NDUFAF2: variants seen among roughly 807,000 people sequenced by gnomAD.
NDUFAF2 encodes NADH:ubiquinone oxidoreductase complex assembly factor 2, also known as NADH dehydrogenase [ubiquinone] 1 alpha subcomplex assembly factor 2.
A neutral mutation model predicts 22.8 loss-of-function variants in NDUFAF2; 13 were observed. That is an observed-to-expected ratio of 0.57 (90% CI 0.37 to 0.91). The LOEUF (loss-of-function observed/expected upper bound fraction) is 0.91, where lower values mean the gene tolerates loss of function less well. Ranked by LOEUF, NDUFAF2 falls within the 40% of genes least tolerant of loss-of-function variation. The probability of loss-of-function intolerance (pLI) is 0.01; values close to 1 mark genes in which losing one functional copy is unlikely to be tolerated. For missense variants in NDUFAF2, 162 were observed against 195.2 expected, an observed-to-expected ratio of 0.83 and a Z score of 1.01; for synonymous variants, 53 against 64.2, an observed-to-expected ratio of 0.83 and a Z score of 0.84.
chr5:61,028,259 C>G (rs1009925446), intron 1 of NDUFAF2, among the ~76,000 whole-genome samples: 1 of 151,972 alleles, frequency 6.6e-6, no homozygotes, highest in Admixed American at 6.6e-5. Context: ...AACATCCCCC[C>G]CACCACAATT....
chr5:61,046,977 A>T (rs999308220), intron 1 of NDUFAF2, among the ~76,000 whole-genome samples: 1 of 152,110 alleles, frequency 6.6e-6, no homozygotes, highest in African/African-American at 2.4e-5. Flanking sequence ...CTTTGATCCT[A>T]AAATCACTAC....
At chr5:61,147,520 C>T (rs1206943181) in intron 3 of NDUFAF2, among the ~76,000 whole-genome samples, 4 of 144,276 alleles carry the variant, frequency 2.8e-5, no homozygotes, top group Non-Finnish European at 6.0e-5. Flanking sequence ...GAAATCCACC[C>T]ACCTCAGCCT....
chr5:60,947,397 G>C (rs925883996), intron 1 of NDUFAF2, among the ~76,000 whole-genome samples: 13 of 152,096 alleles, frequency 8.5e-5, no homozygotes, highest in Admixed American at 4.6e-4. Context: ...TGAGGATGTT[G>C]ACAGTCTTTT....
At chr5:61,014,406 A>T (rs754035501) in intron 1 of NDUFAF2, among the ~76,000 whole-genome samples, 5 of 151,944 alleles carry the variant, frequency 3.3e-5, no homozygotes, top group Non-Finnish European at 7.4e-5. Context: ...CCCTATATAT[A>T]CCTCTTCATC....
Position 61,092,596 on chromosome 5 carries a change from A to G in NDUFAF2, c.218-6396A>G, listed in dbSNP as rs1469240958. On this transcript the variant is annotated intron_variant, in intron 2 of 3. Transcript: ENST00000296597. ...TTTGCTGAAGTTGCTTATCAGCTCA[A>G]GAAGCTTTTGGGCTGAGGCAGTGGG... Among the ~76,000 whole-genome samples the G allele has an allele frequency of 2.0e-5, 3 of 152,174 alleles. No homozygotes were observed. In the East Asian group the frequency reaches 5.8e-4, roughly 29 times the overall value.
At chr5:60,990,095 A>T (rs1751138591) in intron 1 of NDUFAF2, among the ~76,000 whole-genome samples, 1 of 152,170 alleles carries the variant, frequency 6.6e-6, no homozygotes, top group Non-Finnish European at 1.5e-5. Context: ...TGGGAGCTAA[A>T]AATTAAACAA....
At chr5:61,141,736 C>T (rs1293821701) in intron 3 of NDUFAF2, among the ~76,000 whole-genome samples, 1 of 152,132 alleles carries the variant, frequency 6.6e-6, no homozygotes, top group East Asian at 1.9e-4. Flanking sequence ...GGCCACAGCT[C>T]CTGTTGTCCC....
At chr5:60,978,258 A>G (rs968422207) in intron 1 of NDUFAF2, among the ~76,000 whole-genome samples, 1 of 152,120 alleles carries the variant, frequency 6.6e-6, no homozygotes, top group East Asian at 1.9e-4. Context: ...GCAAGCCTTG[A>G]TACTGCGGGT....
intron 2 of NDUFAF2, among the ~76,000 whole-genome samples, chr5:61,087,837 C>T (rs1035183199): frequency 6.6e-6 from 1 of 152,132 alleles, no homozygotes; most frequent in African/African-American, 2.4e-5. Context: ...AAATAATGAA[C>T]TGCTGATATG....
chr5:60,994,859 G>A (rs162246), intron 1 of NDUFAF2, among the ~76,000 whole-genome samples: 132,770 of 152,038 alleles, frequency 0.87, 58,250 homozygotes, highest in East Asian at 0.95. Flanking sequence ...TCTAGATCCT[G>A]TAGGCATACT....
At chr5:60,953,537 A>G (rs962883513) in intron 1 of NDUFAF2, among the ~76,000 whole-genome samples, 1 of 152,150 alleles carries the variant, frequency 6.6e-6, no homozygotes, top group Non-Finnish European at 1.5e-5. Flanking sequence ...TATATGCTTC[A>G]GTAGCCTCCT....
chr5:61,022,180 T>G (rs1422802525), intron 1 of NDUFAF2, among the ~76,000 whole-genome samples: 1 of 152,166 alleles, frequency 6.6e-6, no homozygotes, highest in African/African-American at 2.4e-5. Context: ...CCAAACAAAT[T>G]GACAAAAATG....
At chr5:61,043,523 G>T (rs1047819382) in intron 1 of NDUFAF2, among the ~76,000 whole-genome samples, 2 of 152,016 alleles carry the variant, frequency 1.3e-5, no homozygotes, top group Non-Finnish European at 2.9e-5. Flanking sequence ...CCACAATTTA[G>T]CTCTGTTTCT....
chr5:61,144,044 T>A (rs1741096247), intron 3 of NDUFAF2, among the ~76,000 whole-genome samples: 1 of 151,358 alleles, frequency 6.6e-6, no homozygotes, highest in African/African-American at 2.4e-5. Context: ...ATTCATAACA[T>A]TTTTAAAGCA....
intron 2 of NDUFAF2, among the ~76,000 whole-genome samples, chr5:61,079,737 T>TG (rs1018661772): frequency 2.0e-5 from 3 of 152,346 alleles, no homozygotes; most frequent in African/African-American, 7.2e-5. Context: ...TGGGGCCCTC[T>TG]GCCAATCCTC....
At chr5:61,039,152 A>C (rs1394699027) in intron 1 of NDUFAF2, among the ~76,000 whole-genome samples, 1 of 151,874 alleles carries the variant, frequency 6.6e-6, no homozygotes, top group Non-Finnish European at 1.5e-5. Context: ...CCAAAAAAAA[A>C]AAAAAAAAAG....
intron 2 of NDUFAF2, among the ~76,000 whole-genome samples, chr5:61,088,435 A>G (rs1752530036): frequency 6.6e-6 from 1 of 151,986 alleles, no homozygotes; most frequent in South Asian, 2.1e-4. Context: ...CCTGGGGACT[A>G]TGGGTAGGAT....
At chr5:61,035,948 G>A (rs1335936439) in intron 1 of NDUFAF2, among the ~76,000 whole-genome samples, 1 of 152,168 alleles carries the variant, frequency 6.6e-6, no homozygotes, top group Non-Finnish European at 1.5e-5. Context: ...ATACTTGCAT[G>A]CTGTATTAGA....
At chr5:61,002,047 C>T (rs1373434571) in intron 1 of NDUFAF2, among the ~76,000 whole-genome samples, 4 of 152,010 alleles carry the variant, frequency 2.6e-5, no homozygotes, top group Non-Finnish European at 5.9e-5. Context: ...TCAGCTCCAT[C>T]AATAAGCAAG....
Sources: allele counts gnomAD v4.1 joint callset (sites outside exome capture counted in the v4.1 genomes callset), GRCh38; gene constraint gnomAD v4.1.1; transcripts MANE v1.5; gene names NCBI Gene and HGNC (gene_info 2026-07-23, HGNC 2026-07-21).